MGAT4C: variants seen among roughly 807,000 people sequenced by gnomAD.
The protein encoded by MGAT4C is MGAT4 family member C.
In MGAT4C, 19 loss-of-function variants were observed where a neutral mutation model predicts 40.1. That is an observed-to-expected ratio of 0.47 (90% CI 0.33 to 0.70). The LOEUF (loss-of-function observed/expected upper bound fraction) is 0.70. Ranked by LOEUF, MGAT4C falls within the 30% of genes least tolerant of loss-of-function variation. The pLI, the probability that MGAT4C is intolerant of heterozygous loss-of-function variation, is 0.02. For missense variants in MGAT4C, 491 were observed against 563.2 expected, an observed-to-expected ratio of 0.87 and a Z score of 1.30; for synonymous variants, 181 against 187.1, an observed-to-expected ratio of 0.97 and a Z score of 0.27.
chr12:86,362,440 AC>A (rs1159697686), intron 3 of MGAT4C, among the ~76,000 whole-genome samples: 1 of 152,162 alleles, frequency 6.6e-6, no homozygotes, highest in African/African-American at 2.4e-5. Flanking sequence ...TGTAGATGTA[AC>A]AAACCTGCAC....
In MGAT4C at chr12:85,976,964, C is replaced by T. The variant is rs1884034076; in HGVS notation, c.*2325G>A. The T allele has an allele frequency of 6.6e-6, 1 of 151,082 alleles. No individual in the cohort carries two copies. Among genetic ancestry groups the T allele is most frequent in the Non-Finnish European group, 1.5e-5 (1 of 67,330 alleles). 9.4% of individuals were successfully genotyped at this position (151,082 alleles called of 1,614,324 possible). A position where few individuals can be genotyped will look rare whatever the true frequency, so the allele number is the denominator to read the frequency against. On this transcript the variant is annotated 3_prime_UTR_variant, in exon 5 of 5. Coordinates refer to ENST00000611864, the MANE Select transcript of MGAT4C (RefSeq NM_001351288.2). Reference sequence around the variant, plus strand: ...CAAGGTGTTTTCCTTAGAAAATTGACCCAGTGTCAACTGTAAAGAAAACAT... The same window carrying T: ...CAAGGTGTTTTCCTTAGAAAATTGATCCAGTGTCAACTGTAAAGAAAACAT...
chr12:86,134,848 C>T (rs913052875), intron 1 of MGAT4C, among the ~76,000 whole-genome samples: 4 of 152,118 alleles, frequency 2.6e-5, no homozygotes, highest in African/African-American at 4.8e-5. Context: ...AAGAGAAAGT[C>T]GTTTGTCAAA....
chr12:86,047,279 A>G (rs2136957077), intron 2 of MGAT4C, among the ~76,000 whole-genome samples: 1 of 152,318 alleles, frequency 6.6e-6, no homozygotes, highest in Admixed American at 6.5e-5. Context: ...CATCTTTAGA[A>G]ATCAAAAACA....
intron 2 of MGAT4C, among the ~76,000 whole-genome samples, chr12:86,504,686 A>T (rs1958438115): frequency 6.6e-6 from 1 of 152,106 alleles, no homozygotes; most frequent in East Asian, 1.9e-4. Context: ...ATAGGAAAAC[A>T]ATCTTTTTTT....
At chr12:86,717,927 G>A (rs1234134725) in intron 2 of MGAT4C, among the ~76,000 whole-genome samples, 2 of 152,072 alleles carry the variant, frequency 1.3e-5, no homozygotes, top group Non-Finnish European at 2.9e-5. Context: ...TTCTCTTCCA[G>A]GTTTCTTTTT....
At chr12:86,236,412 T>C (rs1243013090) in intron 1 of MGAT4C, among the ~76,000 whole-genome samples, 1 of 152,030 alleles carries the variant, frequency 6.6e-6, no homozygotes, top group Non-Finnish European at 1.5e-5. Flanking sequence ...TCCACCCTTA[T>C]CCCAGCAGGT....
At chr12:86,654,813 T>C (rs562745175) in intron 2 of MGAT4C, among the ~76,000 whole-genome samples, 4 of 151,974 alleles carry the variant, frequency 2.6e-5, no homozygotes, top group African/African-American at 9.6e-5. Context: ...ATTGCTGTTG[T>C]GTATTGCGGT....
intron 1 of MGAT4C, among the ~76,000 whole-genome samples, chr12:86,227,999 T>C (rs781395969): frequency 4.0e-5 from 6 of 151,882 alleles, no homozygotes; most frequent in Non-Finnish European, 8.8e-5. Context: ...TAATAGCATA[T>C]TGTTTCATTA....
chr12:86,240,183 C>T (rs1448902051), intron 1 of MGAT4C, among the ~76,000 whole-genome samples: 2 of 150,658 alleles, frequency 1.3e-5, no homozygotes, highest in African/African-American at 4.9e-5. Flanking sequence ...CACATACACA[C>T]ACATATATAT....
chr12:86,835,619 G>A lies in MGAT4C; in HGVS notation c.-262+3047C>T, dbSNP rs79566866. On this transcript the variant is annotated intron_variant, in intron 1 of 7. Coordinates refer to the MGAT4C transcript ENST00000548651. ...GGAAAATGTAAAAGTGGGAAATGAG[G>A]AATAGTTCTCTCTGCTTTCTCTGGC... 8.9e-3 allele frequency among the ~76,000 whole-genome samples: 1,351 copies of A among 152,058 alleles called. 19 individuals are homozygous for A. Among genetic ancestry groups the A allele is most frequent in the African/African-American group, 0.031 (1,303 of 41,524 alleles).
chr12:86,699,269 T>C (rs1950314119), intron 2 of MGAT4C, among the ~76,000 whole-genome samples: 2 of 152,140 alleles, frequency 1.3e-5, no homozygotes, highest in Non-Finnish European at 2.9e-5. Context: ...TTATGATGAA[T>C]CCTACAGTCA....
chr12:86,145,347 T>C (rs1251544467), intron 1 of MGAT4C, among the ~76,000 whole-genome samples: 4 of 152,136 alleles, frequency 2.6e-5, no homozygotes, highest in Non-Finnish European at 5.9e-5. Flanking sequence ...AATTTGTTGA[T>C]AGCCTTAACA....
At chr12:85,981,592 T>A in intron 4 of MGAT4C, among the ~76,000 whole-genome samples, 1 of 152,184 alleles carries the variant, frequency 6.6e-6, no homozygotes, top group South Asian at 2.1e-4. Flanking sequence ...TAATAGCCAA[T>A]GCTTATGGAA....
chr12:86,391,540 A>G (rs1956159900), intron 3 of MGAT4C, among the ~76,000 whole-genome samples: 1 of 152,188 alleles, frequency 6.6e-6, no homozygotes, highest in Admixed American at 6.5e-5. Flanking sequence ...TTACTGAGCA[A>G]CTTGGTAACT....
chr12:86,605,757 A>G (rs1019081078), intron 2 of MGAT4C, among the ~76,000 whole-genome samples: 2 of 152,128 alleles, frequency 1.3e-5, no homozygotes, highest in Non-Finnish European at 2.9e-5. Flanking sequence ...TGGTATTAAC[A>G]TAGAGAATCA....
intron 2 of MGAT4C, among the ~76,000 whole-genome samples, chr12:86,603,922 G>T (rs1249733490): frequency 6.7e-6 from 1 of 150,342 alleles, no homozygotes; most frequent in Non-Finnish European, 1.5e-5. Flanking sequence ...TGAGGTGCTG[G>T]ATATCTTAAT....
In MGAT4C at chr12:85,970,577, T is replaced by C. The variant is rs1270160892; in HGVS notation, c.*8712A>G. 6.6e-6 allele frequency: 1 copy of C among 151,244 alleles called. No homozygotes were observed. The highest frequency in any genetic ancestry group is 1.5e-5 in the Non-Finnish European group (1 of 67,366). The allele number at this position is 151,244 out of a possible 1,614,324, so 9.4% of individuals were successfully genotyped here. A position where few individuals can be genotyped will look rare whatever the true frequency, so the allele number is the denominator to read the frequency against. ...TGCATGAAAATAACTCCATCCTGAG[T>C]ATACTCATTTCAATAAATTATTTGT... On this transcript the variant is annotated 3_prime_UTR_variant, in exon 5 of 5. Transcript: ENST00000611864.
At chr12:86,187,665 G>A (rs1160091096) in intron 1 of MGAT4C, among the ~76,000 whole-genome samples, 1 of 151,400 alleles carries the variant, frequency 6.6e-6, no homozygotes, top group African/African-American at 2.4e-5. Context: ...CCTATAACGG[G>A]CAAATAAGCA....
chr12:86,768,743 A>T (rs2136164793), intron 1 of MGAT4C, among the ~76,000 whole-genome samples: 1 of 152,242 alleles, frequency 6.6e-6, no homozygotes, highest in East Asian at 1.9e-4. Flanking sequence ...TCTTTGACAA[A>T]CCTGAGAAAA....
Sources: allele counts gnomAD v4.1 joint callset (sites outside exome capture counted in the v4.1 genomes callset), GRCh38; gene constraint gnomAD v4.1.1; transcripts MANE v1.5; gene names NCBI Gene and HGNC (gene_info 2026-07-23, HGNC 2026-07-21).